Variants in AVEN observed in about 807,000 individuals in gnomAD.
The protein encoded by AVEN is apoptosis and caspase activation inhibitor.
Under a neutral mutation model 38.1 loss-of-function variants are expected in AVEN, and 41 were observed. The ratio of observed to expected loss-of-function variants is 1.08; its 90% CI spans 0.84 to 1.40. The LOEUF is 1.40. Among genes scored for constraint, AVEN ranks in the 40% most tolerant of loss-of-function variants. The pLI is 0.00. For missense variants in AVEN, 605 were observed against 438.8 expected, an observed-to-expected ratio of 1.38 and a Z score of -3.38; for synonymous variants, 206 against 171.8, an observed-to-expected ratio of 1.20 and a Z score of -1.56.
intron 1 of AVEN, among the ~76,000 whole-genome samples, chr15:34,004,349 C>A (rs1253698417): frequency 1.3e-5 from 2 of 152,062 alleles, no homozygotes; most frequent in Non-Finnish European, 2.9e-5. Context: ...ATAAGGAACC[C>A]AGTTTCTTCA....
At chr15:33,961,664 T>G (rs886897000) in intron 2 of AVEN, among the ~76,000 whole-genome samples, 1 of 151,262 alleles carries the variant, frequency 6.6e-6, no homozygotes, top group Non-Finnish European at 1.5e-5. Flanking sequence ...ACACAAAAAA[T>G]TAGCCGGGCG....
At position 34,063,696 on chromosome 15, in the gene AVEN, A is replaced by G. The variant is rs1326489575; in HGVS notation, n.1127-264T>C. On this transcript the variant is annotated intron_variant and non_coding_transcript_variant, in intron 4 of 11. Coordinates refer to the AVEN transcript ENST00000675287. The surrounding 1 kb of genome is among the most constrained non-coding windows in gnomAD (Gnocchi z 4.1). ...CCCTGTCCTCCAAGTGGTCTACAAG[A>G]GTCAGGGTAAGGAAAGCCCAGGGGA... 6.2e-7 allele frequency: 1 copy of G among 1,614,194 alleles called. No individual in the cohort carries two copies. Among genetic ancestry groups the G allele is most frequent in the Non-Finnish European group, 8.5e-7 (1 of 1,180,042 alleles).
rs996281277 is a variant in AVEN at position 33,934,191 on chromosome 15, T to G, written c.446-58196A>C. 6.2e-5 allele frequency among the ~76,000 whole-genome samples: 9 copies of G among 144,390 alleles called. No individual in the cohort carries two copies. The South Asian group carries it at 1.8e-3, about 29-fold the overall frequency. The allele number at this position is 144,390 out of a possible 152,430, so 94.7% of individuals were successfully genotyped here. On this transcript the variant is annotated intron_variant, in intron 2 of 5. Coordinates refer to ENST00000306730, the MANE Select transcript of AVEN (RefSeq NM_020371.3). Reference sequence around the variant, plus strand: ...GAGTTCAAGACCAGCCTAGGCAACATAGCAAGACCCCATCTCTACAAAAAA... The same window carrying G: ...GAGTTCAAGACCAGCCTAGGCAACAGAGCAAGACCCCATCTCTACAAAAAA...
At chr15:33,928,634 G>T (rs1296503192) in intron 2 of AVEN, among the ~76,000 whole-genome samples, 1 of 152,190 alleles carries the variant, frequency 6.6e-6, no homozygotes. Context: ...GGGTGGGCAA[G>T]GATGTATGGA....
chr15:34,019,670 T>C (rs1354223913), intron 1 of AVEN, among the ~76,000 whole-genome samples: 1 of 152,218 alleles, frequency 6.6e-6, no homozygotes, highest in African/African-American at 2.4e-5. Context: ...GACACACAAA[T>C]ACTTACCATT....
chr15:34,014,077 A>G (rs1414256059), intron 1 of AVEN, among the ~76,000 whole-genome samples: 1 of 152,144 alleles, frequency 6.6e-6, no homozygotes, highest in East Asian at 1.9e-4. Flanking sequence ...AGAAAAACAC[A>G]TTTAGCTGGG....
At chr15:33,867,440 GT>G (rs1890657545) in intron 5 of AVEN, 54 bp downstream of exon 5, 1 of 1,532,818 alleles carries the variant, frequency 6.5e-7, no homozygotes, top group African/African-American at 1.4e-5. Flanking sequence ...GGGCGGGGCT[GT>G]TCTTGAAAAA....
chr15:33,933,064 T>G (rs929536008), intron 2 of AVEN, among the ~76,000 whole-genome samples: 2 of 152,096 alleles, frequency 1.3e-5, no homozygotes, highest in African/African-American at 4.8e-5. Flanking sequence ...TTCAAAAATG[T>G]TTGAAAGCTA....
intron 2 of AVEN, among the ~76,000 whole-genome samples, chr15:33,985,625 C>T (rs979105419): frequency 1.3e-5 from 2 of 151,966 alleles, no homozygotes; most frequent in Non-Finnish European, 2.9e-5. Context: ...CAACAATATT[C>T]TGAAAGGCAG....
intron 2 of AVEN, among the ~76,000 whole-genome samples, chr15:33,882,604 C>T (rs1277703946): frequency 6.6e-6 from 1 of 151,568 alleles, no homozygotes. Flanking sequence ...CAGTGGCTTA[C>T]GCCTGTAATC....
At chr15:33,966,871 GA>G (rs1895406891) in intron 2 of AVEN, among the ~76,000 whole-genome samples, 1 of 152,082 alleles carries the variant, frequency 6.6e-6, no homozygotes, top group South Asian at 2.1e-4. Context: ...TGACATTAAT[GA>G]AAAACATATA....
At chr15:33,874,951 A>C (rs539374069) in intron 3 of AVEN, among the ~76,000 whole-genome samples, 1 of 152,360 alleles carries the variant, frequency 6.6e-6, no homozygotes, top group South Asian at 2.1e-4. Flanking sequence ...GCGTAGGCCC[A>C]GACTTAAGCA....
intron 1 of AVEN, among the ~76,000 whole-genome samples, chr15:34,036,941 C>T (rs768705609): frequency 3.3e-5 from 5 of 152,040 alleles, no homozygotes; most frequent in Non-Finnish European, 5.9e-5. Flanking sequence ...GAAACCCCAT[C>T]TCTATTAAAA....
At chr15:33,933,493 A>T (rs575315186) in intron 2 of AVEN, among the ~76,000 whole-genome samples, 2 of 71,484 alleles carry the variant, frequency 2.8e-5, no homozygotes, top group African/African-American at 1.3e-4. Context: ...TCCAACAATC[A>T]CACACACACA....
intron 2 of AVEN, among the ~76,000 whole-genome samples, chr15:33,938,857 G>C (rs924939599): frequency 2.0e-5 from 3 of 151,964 alleles, no homozygotes; most frequent in Non-Finnish European, 4.4e-5. Flanking sequence ...GGGGATTGGC[G>C]GGGGGCAGAG....
At chr15:33,946,799 C>T (rs1487493737) in intron 2 of AVEN, among the ~76,000 whole-genome samples, 2 of 152,072 alleles carry the variant, frequency 1.3e-5, no homozygotes, top group African/African-American at 4.8e-5. Flanking sequence ...TTGCGGGGAG[C>T]GGTTAGGCAA....
intron 11 of AVEN, among the ~76,000 whole-genome samples, chr15:33,860,008 A>T (rs773306504): frequency 6.6e-6 from 1 of 152,162 alleles, no homozygotes. Context: ...TCTGCTTCTG[A>T]GATCTCTCCT....
intron 2 of AVEN, among the ~76,000 whole-genome samples, chr15:33,911,935 T>G (rs907831663): frequency 6.6e-6 from 1 of 152,206 alleles, no homozygotes. Flanking sequence ...ACTATTTTTA[T>G]GTTGGATCTC....
downstream of AVEN, among the ~76,000 whole-genome samples, chr15:33,863,486 G>C (rs185938991): frequency 6.6e-6 from 1 of 152,096 alleles, no homozygotes. Flanking sequence ...TTTTCCGGAA[G>C]GGCAAGAGCC....
Sources: allele counts gnomAD v4.1 joint callset (sites outside exome capture counted in the v4.1 genomes callset), GRCh38; gene constraint gnomAD v4.1.1; non-coding constraint Gnocchi (gnomAD v3.1); transcripts MANE v1.5; gene names NCBI Gene and HGNC (gene_info 2026-07-23, HGNC 2026-07-21).